The following FKBP11 variants were observed in gnomAD, a reference collection of about 807,000 sequenced individuals.
FKBP11 encodes the protein FKBP prolyl isomerase 11.
Under a neutral mutation model 24.7 loss-of-function variants are expected in FKBP11, and 21 were observed. That is an observed-to-expected ratio of 0.85 (90% CI 0.60 to 1.23). The LOEUF is 1.23. FKBP11 is among the 50% of genes most tolerant of loss of function. The pLI, the probability that FKBP11 is intolerant of heterozygous loss-of-function variation, is 0.00. For synonymous variants in FKBP11, 106 were observed against 100.6 expected, an observed-to-expected ratio of 1.05 and a Z score of -0.32; for missense variants, 245 against 248.7, an observed-to-expected ratio of 0.99 and a Z score of 0.10.
At chr12:48,931,764 A>G in the FKBP11 span, 3 of 389,666 alleles carry the variant, frequency 7.7e-6, no homozygotes, top group East Asian at 1.4e-4. Context: ...AATAAGCAGA[A>G]CACTGCTCTT....
At chr12:48,929,879 CCAGG>C (rs1940026191), upstream of FKBP11, among the ~76,000 whole-genome samples, 17 of 152,358 alleles carry the variant, frequency 1.1e-4, no homozygotes, top group Admixed American at 8.5e-4. Flanking sequence ...CAAGCTCCCT[CCAGG>C]CTAAGCTCAA....
At chr12:48,925,585 CCCA>C (rs1939947714), upstream of FKBP11, 1 of 966,312 alleles carries the variant, frequency 1.0e-6, no homozygotes, top group Admixed American at 2.8e-5. Context: ...CCACCTTGTC[CCCA>C]CCTCCGAAAG....
upstream of FKBP11, among the ~76,000 whole-genome samples, chr12:48,929,323 C>T (rs977156676): frequency 1.3e-5 from 2 of 152,042 alleles, no homozygotes; most frequent in African/African-American, 4.8e-5. Context: ...TGGTGTGCAC[C>T]TGTGGTCTTA....
upstream of FKBP11, among the ~76,000 whole-genome samples, chr12:48,929,368 C>T (rs1327015863): frequency 1.3e-5 from 2 of 152,018 alleles, no homozygotes; most frequent in African/African-American, 2.4e-5. Flanking sequence ...GGATCACTTG[C>T]GTCCAGGAGG....
In FKBP11 at chr12:48,925,463, A is replaced by T. The variant is rs1315039147; in HGVS notation, c.-35T>A. 3.3e-6 allele frequency: 5 copies of T among 1,537,990 alleles called. No individual in the cohort carries two copies. The highest frequency in any genetic ancestry group is 4.4e-6 in the Non-Finnish European group (5 of 1,142,566). On this transcript the variant is annotated 5_prime_UTR_variant, in exon 1 of 6. Coordinates refer to ENST00000550765, the MANE Select transcript of FKBP11 (RefSeq NM_016594.3). ...CGGGGCAGGGAGCCGGGGCACCAGG[A>T]CAGGCTGTTCGGGTGGCGGCAGCCA...
At chr12:48,923,945 T>C in intron 4 of FKBP11, 93 bp from the exon 5 acceptor site, 2 of 1,293,928 alleles carry the variant, frequency 1.5e-6, no homozygotes, top group Admixed American at 3.4e-5. Context: ...ACCCCCTGAA[T>C]CTTCACACCC....
rs376593036 is a variant in FKBP11, at chr12:48,925,420, C to G, written c.9G>C (p.Leu3=). The G allele has an allele frequency of 3.2e-6, 5 of 1,569,854 alleles. No homozygotes were observed. ...GATGGAGCGGGAGGAGTGAGGGGCG[C>G]AGGGTCATGACTGGGCGCGGGGCAG... MT[L]RPSLLPLHLL... Residue 3 remains leucine, a synonymous_variant, in exon 1 of 6, where the codon CTG becomes CTC. Transcript: ENST00000550765.
chr12:48,931,428 C>G (rs1306552827), upstream of FKBP11: 3 of 1,536,012 alleles, frequency 2.0e-6, no homozygotes, highest in East Asian at 7.3e-5. Context: ...ACAAGCCCAT[C>G]TGCACCCTGG....
upstream of FKBP11, among the ~76,000 whole-genome samples, chr12:48,929,472 C>T (rs147819984): frequency 3.3e-5 from 5 of 152,040 alleles, no homozygotes; most frequent in Non-Finnish European, 5.9e-5. Flanking sequence ...GATCCCTAGC[C>T]TCTCCCTACT....
At chr12:48,928,439 A>T (rs1019071942), upstream of FKBP11, among the ~76,000 whole-genome samples, 1 of 150,056 alleles carries the variant, frequency 6.7e-6, no homozygotes, top group African/African-American at 2.5e-5. Context: ...CCGCCTCCTG[A>T]GTTCAAGCGA....
At chr12:48,926,973 C>T (rs1296976460), upstream of FKBP11, among the ~76,000 whole-genome samples, 1 of 152,196 alleles carries the variant, frequency 6.6e-6, no homozygotes, top group Non-Finnish European at 1.5e-5. Flanking sequence ...CCACGCCTGG[C>T]TAATTTTTGT....
chr12:48,928,821 T>TTTTTTTC (rs1940014083), upstream of FKBP11, among the ~76,000 whole-genome samples: 1 of 137,270 alleles, frequency 7.3e-6, no homozygotes, highest in Non-Finnish European at 1.6e-5. Flanking sequence ...CTTCTATCTT[T>TTTTTTTC]TTTTTTTTTT....
At chr12:48,935,326 T>C in the FKBP11 span, among the ~76,000 whole-genome samples, 1 of 152,184 alleles carries the variant, frequency 6.6e-6, no homozygotes, top group Non-Finnish European at 1.5e-5. Flanking sequence ...ATATAAATTA[T>C]ATGCTTCACA....
At chr12:48,934,735 C>T in the FKBP11 span, among the ~76,000 whole-genome samples, 1 of 152,166 alleles carries the variant, frequency 6.6e-6, no homozygotes, top group South Asian at 2.1e-4. Context: ...AACACCTGGC[C>T]GGGCGTGGTG....
chr12:48,938,124 AAG>A, the FKBP11 span: 2 of 321,236 alleles, frequency 6.2e-6, no homozygotes, highest in Non-Finnish European at 1.2e-5. Context: ...TCCCAACAGT[AAG>A]GCAGAGCAGA....
intron 5 of FKBP11, chr12:48,922,711 C>A (rs1939863325): frequency 1.0e-6 from 1 of 993,366 alleles, no homozygotes; most frequent in Non-Finnish European, 1.2e-6. Context: ...AGTAAAGGGG[C>A]AGGTGGAACA....
At chr12:48,929,472 C>G (rs147819984), upstream of FKBP11, among the ~76,000 whole-genome samples, 7 of 152,158 alleles carry the variant, frequency 4.6e-5, no homozygotes, top group African/African-American at 1.7e-4. Context: ...GATCCCTAGC[C>G]TCTCCCTACT....
rs756025961 is a variant in FKBP11, at chr12:48,924,656, G to A, written c.196-8C>T. On this transcript the variant is annotated splice_region_variant and splice_polypyrimidine_tract_variant and intron_variant, in intron 2 of 5. Transcript: ENST00000550765. The stretch of plus-strand genomic sequence containing the variant: ...TCCATCTACCAAGCTTCCCTGGGGG[G>A]AGAGAGCATCAAGAGCATACATCTA... 2.5e-6 allele frequency: 4 copies of A among 1,612,946 alleles called. No homozygotes were observed. Among genetic ancestry groups the A allele is most frequent in the African/African-American group, 1.3e-5 (1 of 74,886 alleles).
chr12:48,937,213 GTGGCCAGGAAACC>G, the FKBP11 span: 1 of 152,284 alleles, frequency 6.6e-6, no homozygotes, highest in Non-Finnish European at 1.5e-5. Context: ...ATCAACAAAA[GTGGCCAGGAAACC>G]TGGCCCCATG....
Sources: gnomAD v4.1 joint callset for allele counts (sites outside exome capture counted in the v4.1 genomes callset) on GRCh38, gnomAD v4.1.1 for gene constraint, MANE v1.5 for transcripts, NCBI Gene and HGNC (gene_info 2026-07-23, HGNC 2026-07-21) for gene names.